The following ARHGAP8 variants were observed in gnomAD, a reference collection of about 807,000 sequenced individuals.
The protein encoded by ARHGAP8 is Rho GTPase activating protein 8.
In ARHGAP8, 62 loss-of-function variants were observed where a neutral mutation model predicts 46.1. That is an observed-to-expected ratio of 1.34 (90% confidence interval 1.10 to 1.66). ARHGAP8 has a LOEUF of 1.66. ARHGAP8 is among the 40% of genes most tolerant of loss of function. ARHGAP8 has a pLI of 0.00. For synonymous variants in ARHGAP8, 375 were observed against 243.1 expected, an observed-to-expected ratio of 1.54 and a Z score of -5.05; for missense variants, 923 against 568.4, an observed-to-expected ratio of 1.62 and a Z score of -6.34.
At chr22:44,791,625 A>G (rs1927695229) in intron 2 of ARHGAP8, among the ~76,000 whole-genome samples, 1 of 152,054 alleles carries the variant, frequency 6.6e-6, no homozygotes, top group Non-Finnish European at 1.5e-5. Flanking sequence ...AATGGCTTGA[A>G]CCCAGGAGGC....
chr22:44,818,586 C>T (rs575743473), intron 5 of ARHGAP8, among the ~76,000 whole-genome samples: 2 of 152,390 alleles, frequency 1.3e-5, no homozygotes, highest in Admixed American at 1.3e-4. Flanking sequence ...GAGCCAACCC[C>T]TCTCTGCCTC....
chr22:44,803,006 G>T (rs1928664970), intron 3 of ARHGAP8, among the ~76,000 whole-genome samples: 1 of 152,160 alleles, frequency 6.6e-6, no homozygotes, highest in Non-Finnish European at 1.5e-5. Context: ...TGCTGCTGCT[G>T]CTGCCGCCAC....
At chr22:44,773,848 G>A (rs1029536336) in intron 1 of ARHGAP8, among the ~76,000 whole-genome samples, 10 of 152,232 alleles carry the variant, frequency 6.6e-5, no homozygotes, top group Admixed American at 1.3e-4. Context: ...CCCCCAAAGT[G>A]CTGGGATTGC....
At chr22:44,850,426 G>C (rs6007321) in intron 10 of ARHGAP8, 44,112 of 152,028 alleles carry the variant, frequency 0.29, 8,098 homozygotes, top group African/African-American at 0.52. Flanking sequence ...ACCAGCCGGG[G>C]CCAGAGCAGG....
chr22:44,779,962 T>C (rs1926724477), intron 1 of ARHGAP8, among the ~76,000 whole-genome samples: 1 of 152,162 alleles, frequency 6.6e-6, no homozygotes, highest in Non-Finnish European at 1.5e-5. Flanking sequence ...CTGTGTTCTG[T>C]GTGCTTCTCC....
chr22:44,860,476 G>A (rs2070420690), intron 11 of ARHGAP8, among the ~76,000 whole-genome samples: 1 of 151,936 alleles, frequency 6.6e-6, no homozygotes, highest in South Asian at 2.1e-4. Context: ...CCTCCTAAGT[G>A]TGGACCCCCT....
At chr22:44,791,762 G>T (rs1927705991) in intron 2 of ARHGAP8, among the ~76,000 whole-genome samples, 1 of 152,060 alleles carries the variant, frequency 6.6e-6, no homozygotes, top group South Asian at 2.1e-4. Flanking sequence ...CATATCAAGA[G>T]ACCATATGAG....
chr22:44,840,639 G>T (rs1931588667), intron 7 of ARHGAP8, among the ~76,000 whole-genome samples: 1 of 152,186 alleles, frequency 6.6e-6, no homozygotes, highest in Non-Finnish European at 1.5e-5. Context: ...GTAGCTCGCT[G>T]GGCCCGTTTG....
In ARHGAP8 at chr22:44,862,693, A is replaced by G. The variant is rs374557269; in HGVS notation, c.*98A>G. On this transcript the variant is annotated 3_prime_UTR_variant, in exon 12 of 12. Coordinates refer to ENST00000356099, the MANE Select transcript of ARHGAP8 (RefSeq NM_181335.3). Reference sequence around the variant, plus strand: ...GCATCTGTAAAAATAACCAGCCATTAGATGAATTCAGAACCTTCTAATGAA... The same window carrying G: ...GCATCTGTAAAAATAACCAGCCATTGGATGAATTCAGAACCTTCTAATGAA... 1 of 1,380,298 alleles carries G rather than the reference A, an allele frequency of 7.2e-7. No individual in the cohort carries two copies. The allele number at this position is 1,380,298 out of a possible 1,614,324, so 85.5% of individuals were successfully genotyped here.
chr22:44,803,854 C>G (rs1332753947), intron 3 of ARHGAP8, among the ~76,000 whole-genome samples: 1 of 150,378 alleles, frequency 6.6e-6, no homozygotes, highest in Non-Finnish European at 1.5e-5. Context: ...ACACGCTTCT[C>G]CATCACTAAG....
chr22:44,786,640 G>T, intron 2 of ARHGAP8, 34 bp downstream of exon 2: 1 of 1,597,098 alleles, frequency 6.3e-7, no homozygotes, highest in South Asian at 1.1e-5. Flanking sequence ...GCAGGACCAT[G>T]GGCAGAGCAG....
At chr22:44,795,230 C>T (rs1927996470) in intron 2 of ARHGAP8, among the ~76,000 whole-genome samples, 1 of 152,066 alleles carries the variant, frequency 6.6e-6, no homozygotes, top group Non-Finnish European at 1.5e-5. Flanking sequence ...AATGAGTCAG[C>T]ACTGTATGCA....
Position 44,855,589 on chromosome 22 carries a change from T to C in ARHGAP8, c.878-4142T>C, listed in dbSNP as rs185821792. On this transcript the variant is annotated intron_variant, in intron 10 of 11. Transcript: ENST00000356099. ...AAGATTTTTTTCTTTGGCCAGTTTG[T>C]TTCCAAATAGTCCTTTTAACCTTGT... Among the ~76,000 whole-genome samples, 160 of 152,364 alleles carry C rather than the reference T, an allele frequency of 1.1e-3. 1 individual carries two copies. In the South Asian group the frequency reaches 0.019, roughly 18 times the overall value.
intron 11 of ARHGAP8, among the ~76,000 whole-genome samples, chr22:44,861,438 A>C (rs2147208352): frequency 6.6e-6 from 1 of 152,222 alleles, no homozygotes; most frequent in East Asian, 1.9e-4. Context: ...TGGCTGGTGC[A>C]CACCTGCAAC....
intron 2 of ARHGAP8, among the ~76,000 whole-genome samples, chr22:44,792,209 A>G (rs3788627): frequency 0.33 from 50,256 of 151,656 alleles, 8,655 homozygotes; most frequent in South Asian, 0.5. Flanking sequence ...ATGGGGTTTC[A>G]TCATGTTGGT....
At chr22:44,801,114 C>T (rs187950550) in intron 2 of ARHGAP8, among the ~76,000 whole-genome samples, 1 of 44,878 alleles carries the variant, frequency 2.2e-5, no homozygotes, top group Non-Finnish European at 3.8e-5. Context: ...TGTGTGGGGG[C>T]ACCTCTCCCC....
chr22:44,801,271 A>G (rs1435605100), intron 2 of ARHGAP8, among the ~76,000 whole-genome samples: 103 of 43,388 alleles, frequency 2.4e-3, no homozygotes, highest in Middle Eastern at 0.016. Context: ...TCTATGTGTG[A>G]GGGGCGCCTC....
chr22:44,801,083 A>G (rs185347128), intron 2 of ARHGAP8, among the ~76,000 whole-genome samples: 18 of 34,842 alleles, frequency 5.2e-4, no homozygotes, highest in South Asian at 2.0e-3. Context: ...TGTGAGGGGC[A>G]CCTCTCCCCG....
chr22:44,852,461 C>A (rs547769210), intron 10 of ARHGAP8, among the ~76,000 whole-genome samples: 1 of 152,284 alleles, frequency 6.6e-6, no homozygotes, highest in South Asian at 2.1e-4. Context: ...TTCTTAGATT[C>A]CTTCAGCTCA....
Sources: gnomAD v4.1 joint callset for allele counts (sites outside exome capture counted in the v4.1 genomes callset) on GRCh38, gnomAD v4.1.1 for gene constraint, MANE v1.5 for transcripts, NCBI Gene and HGNC (gene_info 2026-07-23, HGNC 2026-07-21) for gene names.